CSMD1: variants seen among roughly 807,000 people sequenced by gnomAD.
CSMD1 encodes CUB and Sushi multiple domains 1, also known as CUB and sushi domain-containing protein 1.
Under a neutral mutation model 417.5 loss-of-function variants are expected in CSMD1, and 213 were observed. The observed-to-expected ratio is 0.51, with a 90% CI of 0.46 to 0.57. CSMD1 has a LOEUF of 0.57. Ranked by LOEUF, CSMD1 falls within the 20% of genes least tolerant of loss-of-function variation. CSMD1 has a pLI of 0.00. For synonymous variants in CSMD1, 2,862 were observed against 1,736.8 expected (o/e 1.65, Z -16.11); for missense variants, 6,923 against 4,529.7 (o/e 1.53, Z -15.17).
intron 2 of CSMD1, among the ~76,000 whole-genome samples, chr8:4,562,621 T>G (rs988316950): frequency 2.6e-5 from 4 of 152,066 alleles, no homozygotes; most frequent in Admixed American, 6.5e-5. Context: ...TTTCAGAAAT[T>G]TAGGACACAT....
At chr8:3,972,948 A>C (rs1489110089) in intron 5 of CSMD1, among the ~76,000 whole-genome samples, 1 of 152,256 alleles carries the variant, frequency 6.6e-6, no homozygotes, top group Non-Finnish European at 1.5e-5. Context: ...AAATAAAATG[A>C]AATAAAAATT....
chr8:4,553,134 T>TTGTGAACACCTC (rs1312403637), intron 2 of CSMD1, among the ~76,000 whole-genome samples: 12 of 152,362 alleles, frequency 7.9e-5, no homozygotes, highest in African/African-American at 2.6e-4. Context: ...GCCCCGTACC[T>TTGTGAACACCTC]TGTGAACACC....
chr8:3,000,706 G>A (rs904646406), intron 52 of CSMD1, among the ~76,000 whole-genome samples: 2 of 152,200 alleles, frequency 1.3e-5, no homozygotes, highest in Non-Finnish European at 2.9e-5. Context: ...GAAGTCTAGA[G>A]TTCCAGGGAC....
chr8:4,832,889 G>T (rs1308974764), intron 1 of CSMD1, among the ~76,000 whole-genome samples: 2 of 152,070 alleles, frequency 1.3e-5, no homozygotes, highest in African/African-American at 4.8e-5. Context: ...ATAACAGAAA[G>T]CTCCGAACTA....
chr8:3,926,051 T>TATACACACACACACACACACAAACACC (rs1809654891), intron 5 of CSMD1, among the ~76,000 whole-genome samples: 3 of 76,608 alleles, frequency 3.9e-5, no homozygotes, highest in Non-Finnish European at 4.8e-5. Context: ...ACAAACACCA[T>TATACACACACACACACACACAAACACC]ATACACACAC....
intron 2 of CSMD1, among the ~76,000 whole-genome samples, chr8:4,533,957 T>A (rs73661507): frequency 2.0e-5 from 3 of 149,344 alleles, no homozygotes; most frequent in Non-Finnish European, 4.4e-5. Flanking sequence ...TTTATATATA[T>A]AAATATAAAA....
At chr8:3,456,639 G>T (rs148387836) in intron 12 of CSMD1, among the ~76,000 whole-genome samples, 1 of 152,136 alleles carries the variant, frequency 6.6e-6, no homozygotes, top group Non-Finnish European at 1.5e-5. Flanking sequence ...CCTAGTGGAC[G>T]TGTTTCAGTA....
At chr8:3,812,073 T>G (rs1268340445) in intron 5 of CSMD1, among the ~76,000 whole-genome samples, 1 of 152,178 alleles carries the variant, frequency 6.6e-6, no homozygotes, top group East Asian at 1.9e-4. Flanking sequence ...ATTTCATCAG[T>G]CACTGGGGTA....
intron 26 of CSMD1, among the ~76,000 whole-genome samples, chr8:3,277,173 G>A (rs962226717): frequency 6.6e-6 from 1 of 152,126 alleles, no homozygotes; most frequent in Non-Finnish European, 1.5e-5. Context: ...GGTGATTGAG[G>A]ATGATGTTGA....
At chr8:4,376,971 G>T (rs895027428) in intron 3 of CSMD1, among the ~76,000 whole-genome samples, 1 of 152,172 alleles carries the variant, frequency 6.6e-6, no homozygotes, top group Admixed American at 6.6e-5. Context: ...CACAGGTGCT[G>T]AGCACCAGCA....
chr8:3,100,430 C>G (rs1815651106), intron 46 of CSMD1, among the ~76,000 whole-genome samples: 1 of 152,206 alleles, frequency 6.6e-6, no homozygotes, highest in South Asian at 2.1e-4. Flanking sequence ...GTGTTATAAA[C>G]TGTTGCTTAG....
At chr8:3,499,293 T>C (rs1343701507) in intron 10 of CSMD1, among the ~76,000 whole-genome samples, 2 of 152,298 alleles carry the variant, frequency 1.3e-5, no homozygotes, top group East Asian at 3.9e-4. Flanking sequence ...CTGAGTAGCC[T>C]TGGCTGCAGG....
intron 3 of CSMD1, among the ~76,000 whole-genome samples, chr8:4,371,658 A>C (rs1279679314): frequency 6.6e-6 from 1 of 152,200 alleles, no homozygotes; most frequent in African/African-American, 2.4e-5. Context: ...TTACGTCTTA[A>C]AGTTCTTATA....
At chr8:4,002,679 T>C (rs1422566129) in intron 4 of CSMD1, among the ~76,000 whole-genome samples, 1 of 152,216 alleles carries the variant, frequency 6.6e-6, no homozygotes, top group Non-Finnish European at 1.5e-5. Flanking sequence ...ATGGGAACCA[T>C]TATCCCTGCA....
chr8:4,225,559 G>C (rs919092096), intron 3 of CSMD1, among the ~76,000 whole-genome samples: 1 of 147,960 alleles, frequency 6.8e-6, no homozygotes, highest in Non-Finnish European at 1.5e-5. Flanking sequence ...CCTTAGCATG[G>C]CTGTTAAGAG....
chr8:4,176,799 A>G (rs1004570861), intron 3 of CSMD1, among the ~76,000 whole-genome samples: 34 of 149,190 alleles, frequency 2.3e-4, no homozygotes, highest in African/African-American at 8.4e-4. Flanking sequence ...GATAAAACAG[A>G]CTTTAAACCA....
At chr8:3,457,328 C>G (rs907964999) in intron 12 of CSMD1, among the ~76,000 whole-genome samples, 1 of 152,302 alleles carries the variant, frequency 6.6e-6, no homozygotes, top group East Asian at 1.9e-4. Flanking sequence ...ACATCACAAC[C>G]TTTTTGCCAA....
chr8:3,962,254 T>A (rs1407039597), intron 5 of CSMD1, among the ~76,000 whole-genome samples: 1 of 152,148 alleles, frequency 6.6e-6, no homozygotes, highest in Non-Finnish European at 1.5e-5. Context: ...CCAGATTTGG[T>A]CATGATGAGG....
At chr8:4,876,739 C>A (rs946630148) in intron 1 of CSMD1, among the ~76,000 whole-genome samples, 37 of 152,022 alleles carry the variant, frequency 2.4e-4, no homozygotes, top group Admixed American at 2.4e-3. Context: ...TTCTTGTGTG[C>A]TGAGTGTACC....
Sources: gnomAD v4.1 joint callset for allele counts (sites outside exome capture counted in the v4.1 genomes callset) on GRCh38, gnomAD v4.1.1 for gene constraint, MANE v1.5 for transcripts, NCBI Gene and HGNC (gene_info 2026-07-23, HGNC 2026-07-21) for gene names.